RSPH10B2: variants seen among roughly 807,000 people sequenced by gnomAD.
RSPH10B2 encodes the protein radial spoke head 10 homolog B2 (Chlamydomonas).
A neutral mutation model predicts 49.0 loss-of-function variants in RSPH10B2; 9 were observed. The ratio of observed to expected loss-of-function variants is 0.18; its 90% CI spans 0.11 to 0.32. The LOEUF (loss-of-function observed/expected upper bound fraction) is 0.32, where lower values mean the gene tolerates loss of function less well. Among genes scored for constraint, RSPH10B2 ranks in the 10% least tolerant of loss-of-function variants. The pLI, the probability that RSPH10B2 is intolerant of heterozygous loss-of-function variation, is 1.00. For synonymous variants in RSPH10B2, 35 were observed against 210.2 expected (o/e 0.17, Z 7.21); for missense variants, 95 against 589.9 (o/e 0.16, Z 8.69).
chr7:6,797,264 C>A (rs1782615825), intron 18 of RSPH10B2, among the ~76,000 whole-genome samples: 1 of 143,850 alleles, frequency 7.0e-6, no homozygotes, highest in African/African-American at 2.5e-5. Flanking sequence ...CAGCCTTGGC[C>A]TCCCAAAGTG....
chr7:6,794,311 C>G (rs1441517856), intron 17 of RSPH10B2: 2 of 152,182 alleles, frequency 1.3e-5, no homozygotes, highest in Non-Finnish European at 2.9e-5. Context: ...GTGTTGCCAC[C>G]GCCAGGAATC....
At chr7:6,797,866 TACACACACACAC>T (rs753716997) in intron 18 of RSPH10B2, among the ~76,000 whole-genome samples, 1 of 65,732 alleles carries the variant, frequency 1.5e-5, no homozygotes, top group Non-Finnish European at 2.8e-5. Context: ...AAAAAAAAAA[TACACACACACAC>T]ACACACACAC....
intron 11 of RSPH10B2, 26 bp from the exon 14 acceptor site, chr7:6,780,783 A>G (rs1309512298): frequency 7.2e-6 from 10 of 1,387,364 alleles, no homozygotes; most frequent in Non-Finnish European, 8.6e-6. Flanking sequence ...AGAAGTAACT[A>G]TGGTATCTTT....
intron 18 of RSPH10B2, among the ~76,000 whole-genome samples, chr7:6,797,866 T>TAC (rs753716997): frequency 0.021 from 1,395 of 65,722 alleles, 312 homozygotes; most frequent in African/African-American, 0.028. Context: ...AAAAAAAAAA[T>TAC]ACACACACAC....
intron 18 of RSPH10B2, among the ~76,000 whole-genome samples, chr7:6,797,405 A>G (rs1381150383): frequency 6.6e-6 from 1 of 152,136 alleles, no homozygotes; most frequent in African/African-American, 2.4e-5. Context: ...GGCCCTCGAT[A>G]GCTTCTCGCT....
chr7:6,776,743 G>A (rs1454829570), intron 10 of RSPH10B2, among the ~76,000 whole-genome samples, 197 bp downstream of exon 12: 1 of 52,808 alleles, frequency 1.9e-5, no homozygotes, highest in Admixed American at 2.7e-4. Flanking sequence ...CAGGCGTGGT[G>A]GTGCATGCCT....
intron 10 of RSPH10B2, among the ~76,000 whole-genome samples, chr7:6,776,977 G>T (rs1379721647): frequency 4.0e-5 from 5 of 124,884 alleles, no homozygotes; most frequent in Non-Finnish European, 6.8e-5. Flanking sequence ...CTGGTCCATG[G>T]CCCGTTAGGA....
At chr7:6,786,178 C>CT (rs1266902018) in intron 14 of RSPH10B2, 122 bp downstream of exon 16, 15,757 of 139,504 alleles carry the variant, frequency 0.11, 203 homozygotes, top group South Asian at 0.15. Context: ...TTCACTGATG[C>CT]TTTTTTTTTT....
intron 13 of RSPH10B2, among the ~76,000 whole-genome samples, chr7:6,785,457 T>C (rs1205150895): frequency 1.6e-4 from 24 of 152,340 alleles, no homozygotes; most frequent in Non-Finnish European, 2.2e-4. Flanking sequence ...GGATTACAGG[T>C]GTGAGCCACC....
At chr7:6,796,245 T>C (rs1194452503) in intron 17 of RSPH10B2, among the ~76,000 whole-genome samples, 1 of 111,164 alleles carries the variant, frequency 9.0e-6, no homozygotes, top group Non-Finnish European at 1.9e-5. Flanking sequence ...ACCCAGGAGG[T>C]GGAGGTTGCA....
At position 6,781,366 on chromosome 7, in the gene RSPH10B2, A is replaced by C. The variant is rs773969713; in HGVS notation, c.1648A>C (p.Met550Leu). 2.4e-6 allele frequency: 3 copies of C among 1,274,286 alleles called. 1 individual carries two copies. The highest frequency in any genetic ancestry group is 3.1e-6 in the Non-Finnish European group (3 of 967,536). 78.9% of individuals were successfully genotyped at this position (1,274,286 alleles called of 1,614,324 possible). A position where few individuals can be genotyped will look rare whatever the true frequency, so the allele number is the denominator to read the frequency against. ...TGAGCAACAGCGGACGCTCTACTCT[A>C]TGAGTTACATGAATAAGTGCTGGGA... The change falls in exon 13 of 19, where the codon ATG becomes CTG. Residue 550 changes from methionine to leucine, a missense_variant. Coordinates refer to ENST00000297186, the Ensembl canonical transcript of RSPH10B2.
At chr7:6,784,697 C>G (rs1461962373) in intron 13 of RSPH10B2, among the ~76,000 whole-genome samples, 1 of 130,478 alleles carries the variant, frequency 7.7e-6, no homozygotes, top group Non-Finnish European at 1.6e-5. Context: ...TCCCGAGTAG[C>G]TGGGACTACA....
At chr7:6,776,928 A>ACAC (rs773659785) in intron 10 of RSPH10B2, among the ~76,000 whole-genome samples, 36 of 115,322 alleles carry the variant, frequency 3.1e-4, no homozygotes, top group Non-Finnish European at 4.4e-4. Context: ...CACACACACA[A>ACAC]AAGGCAGGGG....
intron 13 of RSPH10B2, among the ~76,000 whole-genome samples, chr7:6,782,140 C>T (rs1781962122): frequency 8.1e-6 from 1 of 123,830 alleles, no homozygotes; most frequent in Non-Finnish European, 1.7e-5. Flanking sequence ...TCTTGACCTC[C>T]CAACCCCAGG....
At chr7:6,752,145 G>A (rs1181053752), upstream of RSPH10B2, among the ~76,000 whole-genome samples, 1 of 150,600 alleles carries the variant, frequency 6.6e-6, no homozygotes, top group Admixed American at 6.7e-5. Flanking sequence ...TAAACACGGG[G>A]GATTCTCTGC....
chr7:6,759,134 C>T (rs1333084240), exon 2 of RSPH10B2: 3 of 330,062 alleles, frequency 9.1e-6, no homozygotes, highest in Non-Finnish European at 1.3e-5. Context: ...GGCTTCGCAG[C>T]CTTTCAAGGC....
intron 14 of RSPH10B2, among the ~76,000 whole-genome samples, chr7:6,786,261 C>G (rs1782172632): frequency 1.3e-5 from 1 of 79,508 alleles, no homozygotes; most frequent in Admixed American, 1.5e-4. Context: ...CTGCTCACTG[C>G]AAGCTCCGCC....
At chr7:6,791,057 C>T (rs1206189832) in intron 16 of RSPH10B2, among the ~76,000 whole-genome samples, 3 of 134,972 alleles carry the variant, frequency 2.2e-5, no homozygotes, top group Non-Finnish European at 3.1e-5. Flanking sequence ...TGCAGTGGTG[C>T]GATCTTGGAT....
rs766711561 is a variant in RSPH10B2, at chr7:6,786,925, C to CT, written c.1915dup (p.Cys639LeufsTer4). 4.3e-6 allele frequency: 4 copies of CT among 923,278 alleles called. No individual in the cohort carries two copies. In the African/African-American group the frequency reaches 8.2e-5, roughly 19 times the overall value. 57.2% of individuals were successfully genotyped at this position (923,278 alleles called of 1,614,324 possible). A position where few individuals can be genotyped will look rare whatever the true frequency, so the allele number is the denominator to read the frequency against. Reference sequence around the variant, plus strand: ...AAGCTCTCTTAAGCTTTGCATTCATCTGTGTTACTGACCAAATGACTAAAT... The same window carrying CT: ...AAGCTCTCTTAAGCTTTGCATTCATCTTGTGTTACTGACCAAATGACTAAAT... On this transcript the variant is annotated frameshift_variant, in exon 15 of 19. Transcript: ENST00000297186. LOFTEE classifies it high-confidence loss of function.
Sources: allele counts gnomAD v4.1 joint callset (sites outside exome capture counted in the v4.1 genomes callset), GRCh38; gene constraint gnomAD v4.1.1; transcripts MANE v1.5; gene names NCBI Gene and HGNC (gene_info 2026-07-23, HGNC 2026-07-21).